Variants in LRP1B observed in about 807,000 individuals in gnomAD.
The protein encoded by LRP1B is low-density lipoprotein receptor-related protein 1B.
LRP1B carries 217 observed loss-of-function variants against 556.6 expected under a neutral mutation model. The ratio of observed to expected loss-of-function variants is 0.39; its 90% confidence interval spans 0.35 to 0.44. The LOEUF (loss-of-function observed/expected upper bound fraction) is 0.44, where lower values mean the gene tolerates loss of function less well. LRP1B is among the 20% of genes least tolerant of loss of function. The pLI is 1.00. For synonymous variants in LRP1B, 2,047 were observed against 1,865.8 expected, an observed-to-expected ratio of 1.10 and a Z score of -2.50; for missense variants, 5,053 against 5,620.8, an observed-to-expected ratio of 0.90 and a Z score of 3.23.
chr2:141,378,265 G>T (rs1689509950), intron 3 of LRP1B, among the ~76,000 whole-genome samples: 1 of 152,130 alleles, frequency 6.6e-6, no homozygotes, highest in Non-Finnish European at 1.5e-5. Flanking sequence ...TAACAGAGCT[G>T]CCTGAAGAAC....
At chr2:141,869,673 T>C (rs1275995879) in intron 1 of LRP1B, among the ~76,000 whole-genome samples, 1 of 152,114 alleles carries the variant, frequency 6.6e-6, no homozygotes, top group African/African-American at 2.4e-5. Flanking sequence ...TATTCTAAGG[T>C]TCATTTTCAT....
intron 41 of LRP1B, among the ~76,000 whole-genome samples, chr2:140,664,197 C>A (rs192575549): frequency 7.9e-5 from 12 of 152,106 alleles, no homozygotes; most frequent in African/African-American, 2.7e-4. Context: ...TGAAATATTG[C>A]AAGAATTACC....
intron 31 of LRP1B, among the ~76,000 whole-genome samples, chr2:140,826,481 A>T (rs894923203): frequency 6.6e-6 from 1 of 152,218 alleles, no homozygotes; most frequent in Non-Finnish European, 1.5e-5. Context: ...AAAACCAAAA[A>T]TAATTATCCA....
chr2:141,352,238 T>C (rs575507090), intron 3 of LRP1B, among the ~76,000 whole-genome samples: 30 of 152,010 alleles, frequency 2.0e-4, no homozygotes, highest in African/African-American at 7.0e-4. Context: ...GCAATACGTG[T>C]TTACTAGACT....
At chr2:141,981,158 C>A (rs1238217845) in intron 1 of LRP1B, among the ~76,000 whole-genome samples, 1 of 151,990 alleles carries the variant, frequency 6.6e-6, no homozygotes, top group African/African-American at 2.4e-5. Flanking sequence ...ATCTACTGCC[C>A]AGATCAGTTA....
chr2:140,596,397 T>G (rs545112675), intron 43 of LRP1B, among the ~76,000 whole-genome samples: 1 of 152,328 alleles, frequency 6.6e-6, no homozygotes, highest in South Asian at 2.1e-4. Context: ...GTTCATTTTC[T>G]TCCCTGTCGA....
chr2:140,307,504 T>G (rs1684118570), intron 83 of LRP1B, among the ~76,000 whole-genome samples: 1 of 151,846 alleles, frequency 6.6e-6, no homozygotes, highest in African/African-American at 2.4e-5. Context: ...CTTTTGGACA[T>G]AAGATGCTCC....
intron 37 of LRP1B, among the ~76,000 whole-genome samples, 165 bp downstream of exon 37, chr2:140,715,808 G>A (rs1172823034): frequency 6.6e-6 from 1 of 150,876 alleles, no homozygotes; most frequent in Non-Finnish European, 1.5e-5. Context: ...CATCGAATAT[G>A]TACTAAATTA....
rs79918906 is a variant in LRP1B at position 140,952,462 on chromosome 2, C to T, written c.2888-522G>A. ...AAATCATTTAGGTAAGCCAGTATCA[C>T]CTAGTTACAAAGAAAAGTATGAAAT... On this transcript the variant is annotated intron_variant, in intron 18 of 90. Coordinates refer to ENST00000389484, the MANE Select transcript of LRP1B (RefSeq NM_018557.3). Among the ~76,000 whole-genome samples, 56 of 151,226 alleles carry T rather than the reference C, an allele frequency of 3.7e-4. 1 individual carries two copies. The East Asian group carries it at 0.01, about 27-fold the overall frequency.
chr2:141,482,042 A>G (rs1166997088), intron 2 of LRP1B, among the ~76,000 whole-genome samples: 2 of 152,158 alleles, frequency 1.3e-5, no homozygotes, highest in African/African-American at 2.4e-5. Context: ...GAGGTAAAAT[A>G]ATAATAATAA....
At chr2:141,075,422 A>G (rs1188128510) in intron 7 of LRP1B, among the ~76,000 whole-genome samples, 1 of 152,130 alleles carries the variant, frequency 6.6e-6, no homozygotes, top group Non-Finnish European at 1.5e-5. Flanking sequence ...TAAGATCTCA[A>G]GGTGTCATTC....
At position 140,385,912 on chromosome 2, in the gene LRP1B, A is replaced by G; in HGVS notation, c.10512T>C (p.Asn3504=). ...ACTTACTACAGTTTTCTTCATCTGA[A>G]TTATCACTGCAGTCATTTTGGCTAT... ...RCDSQNDCSD[N]SDEENCKPQT... The change falls in exon 67 of 91, where the codon AAT becomes AAC. Residue 3504 remains asparagine (N), a synonymous_variant. Transcript: ENST00000389484. The G allele has an allele frequency of 6.2e-7, 1 of 1,610,916 alleles. No individual in the cohort carries two copies. The highest frequency in any genetic ancestry group is 8.5e-7 in the Non-Finnish European group (1 of 1,177,202).
chr2:140,761,491 G>A (rs1182108450), intron 35 of LRP1B, among the ~76,000 whole-genome samples: 1 of 152,122 alleles, frequency 6.6e-6, no homozygotes, highest in Admixed American at 6.6e-5. Flanking sequence ...TATCATTTCT[G>A]AGATTGGGTG....
At chr2:140,803,840 TAAAGG>T (rs927300736) in intron 32 of LRP1B, among the ~76,000 whole-genome samples, 3 of 150,618 alleles carry the variant, frequency 2.0e-5, no homozygotes, top group South Asian at 2.1e-4. Context: ...TTTTCTCTCA[TAAAGG>T]AAAGAAATAA....
In LRP1B at chr2:141,098,613, G is replaced by A. The variant is rs556042465; in HGVS notation, c.1014-36340C>T. On this transcript the variant is annotated intron_variant, in intron 7 of 90. Coordinates refer to ENST00000389484, the MANE Select transcript of LRP1B (RefSeq NM_018557.3). ...GTTCAGTGGTCTATGATGATTAAAG[G>A]GGGAAAAATTCATATATTTAGTATC... 1.4e-4 allele frequency among the ~76,000 whole-genome samples: 21 copies of A among 152,226 alleles called. No homozygotes were observed. The South Asian group carries it at 3.7e-3, about 27-fold the overall frequency.
chr2:142,039,312 T>A (rs1461743047), intron 1 of LRP1B, among the ~76,000 whole-genome samples: 1 of 151,480 alleles, frequency 6.6e-6, no homozygotes, highest in Non-Finnish European at 1.5e-5. Flanking sequence ...ATAACGTAAG[T>A]GTAAAATAAC....
intron 3 of LRP1B, among the ~76,000 whole-genome samples, chr2:141,287,448 G>A (rs1478407418): frequency 6.6e-6 from 1 of 151,140 alleles, no homozygotes. Context: ...TCAGACTCCC[G>A]AGTAGCTGGG....
chr2:141,359,506 C>T (rs1464548953), intron 3 of LRP1B, among the ~76,000 whole-genome samples: 2 of 151,960 alleles, frequency 1.3e-5, no homozygotes, highest in African/African-American at 2.4e-5. Flanking sequence ...ATCTGTAATC[C>T]CAGCACTTTG....
chr2:140,462,759 T>C (rs999951850), intron 60 of LRP1B, among the ~76,000 whole-genome samples: 11 of 152,186 alleles, frequency 7.2e-5, no homozygotes, highest in African/African-American at 2.7e-4. Context: ...CTCATATTTT[T>C]TTCATCTAAC....
Sources: allele counts gnomAD v4.1 joint callset (sites outside exome capture counted in the v4.1 genomes callset), GRCh38; gene constraint gnomAD v4.1.1; transcripts MANE v1.5; gene names NCBI Gene and HGNC (gene_info 2026-07-23, HGNC 2026-07-21).